Variants in DPY19L4 observed in about 807,000 individuals in gnomAD.
DPY19L4 encodes probable C-mannosyltransferase DPY19L4.
A neutral mutation model predicts 102.8 loss-of-function variants in DPY19L4; 97 were observed. The observed-to-expected ratio is 0.94, with a 90% CI of 0.80 to 1.12. DPY19L4 has a LOEUF of 1.12. Among genes scored for constraint, DPY19L4 ranks in the 50% most tolerant of loss-of-function variants. The pLI is 0.00. For missense variants in DPY19L4, 815 were observed against 850.4 expected, an observed-to-expected ratio of 0.96 and a Z score of 0.52; for synonymous variants, 252 against 283.1, an observed-to-expected ratio of 0.89 and a Z score of 1.10.
At chr8:94,767,280 T>C (rs971987923) in intron 11 of DPY19L4, among the ~76,000 whole-genome samples, 1 of 148,734 alleles carries the variant, frequency 6.7e-6, no homozygotes, top group Non-Finnish European at 1.5e-5. Context: ...GATAAACATA[T>C]ATACAACCAG....
At chr8:94,750,669 G>T (rs1415514617) in intron 6 of DPY19L4, among the ~76,000 whole-genome samples, 1 of 151,922 alleles carries the variant, frequency 6.6e-6, no homozygotes, top group African/African-American at 2.4e-5. Flanking sequence ...AATTGACATA[G>T]AATGAACTGG....
chr8:94,776,692 C>T (rs372933973), intron 13 of DPY19L4, among the ~76,000 whole-genome samples: 5 of 151,602 alleles, frequency 3.3e-5, no homozygotes, highest in Non-Finnish European at 5.9e-5. Context: ...TGGCCAGGTG[C>T]GGTGGCTCAT....
chr8:94,729,198 G>A (rs760914131), intron 2 of DPY19L4, among the ~76,000 whole-genome samples: 37 of 151,938 alleles, frequency 2.4e-4, no homozygotes, highest in Non-Finnish European at 4.1e-4. Context: ...GTGAAATCCC[G>A]TCTCTACTAA....
intron 6 of DPY19L4, among the ~76,000 whole-genome samples, chr8:94,749,825 A>T (rs1489405190): frequency 6.6e-6 from 1 of 152,234 alleles, no homozygotes; most frequent in African/African-American, 2.4e-5. Flanking sequence ...CATCATGTTC[A>T]TTAAATGGTA....
intron 11 of DPY19L4, among the ~76,000 whole-genome samples, chr8:94,767,653 T>C (rs1213458410): frequency 6.6e-6 from 1 of 152,184 alleles, no homozygotes; most frequent in Non-Finnish European, 1.5e-5. Context: ...TTCATACTGC[T>C]CAAAAGGTTT....
rs776555307 is a variant in DPY19L4, at chr8:94,789,794, T to A, written c.2056T>A (p.Phe686Ile). The change falls in exon 19 of 19, where the codon TTT becomes ATT. Residue 686 changes from phenylalanine to isoleucine, a missense_variant. Coordinates refer to ENST00000414645, the MANE Select transcript of DPY19L4 (RefSeq NM_181787.3). ...GCTAACCTACTCAAAATATGGGCGA[T>A]TTTGTCATGAGGTCAAAATTAACTA... ...DKLTYSKYGR[F>I]CHEVKINYSP... is the part of the protein sequence containing the mutation. 1.9e-5 allele frequency: 31 copies of A among 1,611,512 alleles called. No homozygotes were observed. The highest frequency in any genetic ancestry group is 2.5e-5 in the Non-Finnish European group (30 of 1,178,876).
intron 1 of DPY19L4, among the ~76,000 whole-genome samples, chr8:94,723,503 A>G (rs1331754375): frequency 6.6e-6 from 1 of 151,790 alleles, no homozygotes. Context: ...TGAAAAGGAA[A>G]CCTGAATTAC....
At chr8:94,757,686 A>G (rs1206680565) in intron 7 of DPY19L4, among the ~76,000 whole-genome samples, 2 of 152,194 alleles carry the variant, frequency 1.3e-5, no homozygotes, top group East Asian at 3.9e-4. Flanking sequence ...CTGGGACTAC[A>G]GCCGTGAGCC....
Position 94,763,193 on chromosome 8 carries a change from C to T in DPY19L4, c.870+1359C>T, listed in dbSNP as rs183029584. On this transcript the variant is annotated intron_variant, in intron 8 of 18. Transcript: ENST00000414645. ...CGAACTCCTGACCTTGTGATCTGCC[C>T]GCCTCAGCCTCCCAAAGCTTTGGAA... Among the ~76,000 whole-genome samples, 99 of 151,202 alleles carry T rather than the reference C, an allele frequency of 6.5e-4. No individual in the cohort carries two copies. The East Asian group carries it at 7.6e-3, about 12-fold the overall frequency.
chr8:94,747,150 C>G (rs1811711086), intron 6 of DPY19L4, among the ~76,000 whole-genome samples: 1 of 152,054 alleles, frequency 6.6e-6, no homozygotes, highest in Admixed American at 6.6e-5. Flanking sequence ...CATCATCAAC[C>G]TCCCTAGACT....
At chr8:94,751,118 C>CTTTCTTTTTTTTTT in intron 6 of DPY19L4, among the ~76,000 whole-genome samples, 1 of 116,972 alleles carries the variant, frequency 8.5e-6, no homozygotes, top group Non-Finnish European at 2.0e-5. Context: ...TCTTTTCTTT[C>CTTTCTTTTTTTTTT]TTTTCTTTTT....
At chr8:94,766,526 T>TTTGTA in intron 10 of DPY19L4, 86 bp from the exon 11 acceptor site, 1 of 1,241,490 alleles carries the variant, frequency 8.1e-7, no homozygotes, top group Non-Finnish European at 1.1e-6. Flanking sequence ...AGTCTTGTTG[T>TTTGTA]GTTTTCTGTC....
intron 6 of DPY19L4, among the ~76,000 whole-genome samples, chr8:94,754,765 G>A (rs1198250254): frequency 6.6e-6 from 1 of 152,130 alleles, no homozygotes; most frequent in East Asian, 1.9e-4. Flanking sequence ...AAATTTAGGA[G>A]GAAGCTACAA....
At chr8:94,770,002 C>T (rs1297162376) in intron 12 of DPY19L4, among the ~76,000 whole-genome samples, 1 of 151,524 alleles carries the variant, frequency 6.6e-6, no homozygotes, top group African/African-American at 2.4e-5. Context: ...ATTCTCTTGC[C>T]TCAACCTCCG....
intron 11 of DPY19L4, among the ~76,000 whole-genome samples, chr8:94,767,335 C>T (rs779750831): frequency 1.3e-5 from 2 of 150,088 alleles, no homozygotes; most frequent in Non-Finnish European, 2.9e-5. Flanking sequence ...ACTCTGTTGC[C>T]CAGGCTGGAG....
At chr8:94,760,610 G>A (rs1057036218) in intron 7 of DPY19L4, among the ~76,000 whole-genome samples, 51 of 152,212 alleles carry the variant, frequency 3.4e-4, no homozygotes, top group Admixed American at 3.3e-3. Context: ...AGTCAGCTGA[G>A]TATGAAAGAC....
intron 6 of DPY19L4, among the ~76,000 whole-genome samples, chr8:94,753,829 C>T (rs1812048097): frequency 6.6e-6 from 1 of 152,082 alleles, no homozygotes; most frequent in African/African-American, 2.4e-5. Context: ...GCTGAGATTG[C>T]ACCACTGCAC....
At chr8:94,775,756 G>A (rs903365499) in intron 13 of DPY19L4, among the ~76,000 whole-genome samples, 1 of 152,130 alleles carries the variant, frequency 6.6e-6, no homozygotes, top group African/African-American at 2.4e-5. Flanking sequence ...TCATAGAAGG[G>A]TCTGGTTGTT....
intron 2 of DPY19L4, among the ~76,000 whole-genome samples, chr8:94,731,187 A>G (rs1810938145): frequency 6.6e-6 from 1 of 152,172 alleles, no homozygotes. Flanking sequence ...TGAAAAAAAC[A>G]AACCCAAGAA....
Sources: gnomAD v4.1 joint callset for allele counts (sites outside exome capture counted in the v4.1 genomes callset) on GRCh38, gnomAD v4.1.1 for gene constraint, MANE v1.5 for transcripts, NCBI Gene and HGNC (gene_info 2026-07-23, HGNC 2026-07-21) for gene names.